The following NDRG1 variants were observed in gnomAD, a reference collection of about 807,000 sequenced individuals.
NDRG1 encodes the protein N-myc downstream regulated 1, also known as protein NDRG1.
NDRG1 carries 32 observed loss-of-function variants against 56.9 expected under a neutral mutation model. The observed-to-expected ratio is 0.56, with a 90% CI of 0.42 to 0.76. NDRG1 has a LOEUF of 0.76. Ranked by LOEUF, NDRG1 falls within the 30% of genes least tolerant of loss-of-function variation. NDRG1 has a pLI of 0.00. For missense variants in NDRG1, 507 were observed against 545.7 expected (o/e 0.93, Z 0.71); for synonymous variants, 211 against 204.1 (o/e 1.03, Z -0.29).
chr8:133,244,860 A>C (rs2977557), intron 13 of NDRG1, among the ~76,000 whole-genome samples: 1 of 152,144 alleles, frequency 6.6e-6, no homozygotes, highest in African/African-American at 2.4e-5. Context: ...TCAGCTGACC[A>C]GTACCCTTCC....
chr8:133,247,793 G>C, intron 12 of NDRG1, 82 bp downstream of exon 12: 1 of 1,431,426 alleles, frequency 7.0e-7, no homozygotes, highest in Non-Finnish European at 9.9e-7. Flanking sequence ...GGAGAGGAGG[G>C]GCAGGCAGGG....
At chr8:133,292,235 G>T (rs1858469766) in intron 1 of NDRG1, among the ~76,000 whole-genome samples, 1 of 152,160 alleles carries the variant, frequency 6.6e-6, no homozygotes, top group Non-Finnish European at 1.5e-5. Context: ...GTTAGCAGAG[G>T]ACGAGGAAAT....
At chr8:133,252,945 C>T (rs1564285896) in intron 9 of NDRG1, among the ~76,000 whole-genome samples, 1 of 152,088 alleles carries the variant, frequency 6.6e-6, no homozygotes, top group Admixed American at 6.5e-5. Context: ...CAGAGTGGGG[C>T]GTCTGTTCCC....
intron 3 of NDRG1, among the ~76,000 whole-genome samples, chr8:133,270,573 T>C (rs149646585): frequency 2.0e-5 from 3 of 152,292 alleles, no homozygotes; most frequent in Non-Finnish European, 4.4e-5. Context: ...TTTTGATTCT[T>C]GTCCTTTCAC....
chr8:133,282,609 G>A (rs1015415169), intron 2 of NDRG1, among the ~76,000 whole-genome samples: 9 of 152,200 alleles, frequency 5.9e-5, no homozygotes, highest in Non-Finnish European at 1.2e-4. Flanking sequence ...AGAGTTTAGA[G>A]GACACAGATT....
intron 3 of NDRG1, among the ~76,000 whole-genome samples, chr8:133,269,849 C>T (rs1857104794): frequency 6.6e-6 from 1 of 152,212 alleles, no homozygotes; most frequent in South Asian, 2.1e-4. Flanking sequence ...TGTTCCACTA[C>T]CAAACAGAAT....
chr8:133,291,243 T>A (rs1198185725), intron 1 of NDRG1, among the ~76,000 whole-genome samples: 1 of 152,224 alleles, frequency 6.6e-6, no homozygotes, highest in Non-Finnish European at 1.5e-5. Flanking sequence ...CAGCACATTG[T>A]GCTCTTTATA....
chr8:133,280,610 A>G (rs1302489412), intron 2 of NDRG1, among the ~76,000 whole-genome samples: 4 of 151,570 alleles, frequency 2.6e-5, no homozygotes, highest in Non-Finnish European at 5.9e-5. Flanking sequence ...TATTTTTTGT[A>G]TTTTTAGTAG....
At chr8:133,270,584 C>T (rs544910658) in intron 3 of NDRG1, among the ~76,000 whole-genome samples, 1 of 152,220 alleles carries the variant, frequency 6.6e-6, no homozygotes, top group African/African-American at 2.4e-5. Flanking sequence ...GTCCTTTCAC[C>T]CTCCTGCCTG....
rs549671098 is a variant in NDRG1, at chr8:133,249,921, C to T, written c.698+519G>A. ...GGAAGATTACAGAGTCTCTGGCTGACACCAATGGCCCTGAGCTGTCTCCTC... is the reference window on the plus strand; with the variant it reads ...GGAAGATTACAGAGTCTCTGGCTGATACCAATGGCCCTGAGCTGTCTCCTC... On this transcript the variant is annotated intron_variant, in intron 10 of 15. Transcript: ENST00000323851. Among the ~76,000 whole-genome samples the T allele has an allele frequency of 2.1e-4, 32 of 152,348 alleles. No homozygotes were observed. In the South Asian group the frequency reaches 6.6e-3, roughly 32 times the overall value.
At chr8:133,270,133 G>A (rs1232156515) in intron 3 of NDRG1, among the ~76,000 whole-genome samples, 9 of 152,244 alleles carry the variant, frequency 5.9e-5, no homozygotes. Context: ...CTCTCCAATT[G>A]ACAGAGTCTG....
chr8:133,264,700 A>T lies in NDRG1; in HGVS notation c.100-48T>A, dbSNP rs545417400. On this transcript the variant is annotated intron_variant, in intron 3 of 15. Coordinates refer to ENST00000323851, the MANE Select transcript of NDRG1 (RefSeq NM_006096.4). ...GGGCTGGTCATGTGGGGTTCATGGCATCCGCGTGGCTGAAGACAGCCAGCC... is the reference window on the plus strand; with the variant it reads ...GGGCTGGTCATGTGGGGTTCATGGCTTCCGCGTGGCTGAAGACAGCCAGCC... The T allele has an allele frequency of 5.3e-6, 8 of 1,519,698 alleles. No individual in the cohort carries two copies. The Admixed American group carries it at 8.3e-5, about 16-fold the overall frequency. The allele number at this position is 1,519,698 out of a possible 1,614,324, so 94.1% of individuals were successfully genotyped here. A position where few individuals can be genotyped will look rare whatever the true frequency, so the allele number is the denominator to read the frequency against.
At chr8:133,289,428 G>A (rs765556498) in intron 1 of NDRG1, among the ~76,000 whole-genome samples, 6 of 152,244 alleles carry the variant, frequency 3.9e-5, no homozygotes, top group Middle Eastern at 3.4e-3. Flanking sequence ...GAGTCCCAGC[G>A]AGGAGAGGGA....
At chr8:133,261,547 G>C (rs1856659288) in intron 5 of NDRG1, among the ~76,000 whole-genome samples, 1 of 152,194 alleles carries the variant, frequency 6.6e-6, no homozygotes, top group South Asian at 2.1e-4. Context: ...TAAGCCCAGT[G>C]TTAGACACAA....
intron 3 of NDRG1, among the ~76,000 whole-genome samples, chr8:133,270,736 G>A (rs1233958152): frequency 6.6e-6 from 1 of 152,188 alleles, no homozygotes; most frequent in Non-Finnish European, 1.5e-5. Context: ...CATAGCTGGG[G>A]TGTTAGCTTT....
chr8:133,244,713 G>A (rs1482007710), intron 13 of NDRG1: 5 of 497,140 alleles, frequency 1.0e-5, no homozygotes, highest in Non-Finnish European at 1.8e-5. Flanking sequence ...GGGCCAGGAA[G>A]AGCTTGAGGG....
At chr8:133,259,311 G>T in intron 5 of NDRG1, 81 bp from the exon 6 acceptor site, 1 of 1,421,118 alleles carries the variant, frequency 7.0e-7, no homozygotes, top group Non-Finnish European at 9.9e-7. Context: ...TGAAGGGTGG[G>T]GACCATGCAG....
chr8:133,266,571 A>G (rs1248088635), intron 3 of NDRG1, among the ~76,000 whole-genome samples: 1 of 152,182 alleles, frequency 6.6e-6, no homozygotes, highest in African/African-American at 2.4e-5. Flanking sequence ...CAGAGAATGT[A>G]GGCTGCTCCA....
At chr8:133,241,971 C>A in intron 15 of NDRG1, 52 bp downstream of exon 15, 1 of 1,606,504 alleles carries the variant, frequency 6.2e-7, no homozygotes, top group Non-Finnish European at 8.5e-7. Flanking sequence ...CAGAGCACTT[C>A]CAATTCCGAC....
Sources: allele counts gnomAD v4.1 joint callset (sites outside exome capture counted in the v4.1 genomes callset), GRCh38; gene constraint gnomAD v4.1.1; transcripts MANE v1.5; gene names NCBI Gene and HGNC (gene_info 2026-07-23, HGNC 2026-07-21).